The following NUDCD3 variants were observed in gnomAD, a reference collection of about 807,000 sequenced individuals.
NUDCD3 encodes the protein nudC domain-containing protein 3.
NUDCD3 carries 13 observed loss-of-function variants against 39.7 expected under a neutral mutation model. The ratio of observed to expected loss-of-function variants is 0.33; its 90% CI spans 0.21 to 0.52. The LOEUF is 0.52. NUDCD3 is among the 20% of genes least tolerant of loss of function. NUDCD3 has a pLI of 0.96. For synonymous variants in NUDCD3, 175 were observed against 172.4 expected (o/e 1.02, Z -0.12); for missense variants, 453 against 458.1 (o/e 0.99, Z 0.10).
intron 2 of NUDCD3, among the ~76,000 whole-genome samples, chr7:44,448,385 A>T (rs1799726094): frequency 6.6e-6 from 1 of 152,130 alleles, no homozygotes; most frequent in African/African-American, 2.4e-5. Flanking sequence ...TACTGACCCA[A>T]CTAGAGGCTT....
rs527892191 is a variant in NUDCD3 at position 44,401,100 on chromosome 7, G to C, written c.786+3340C>G. Among the ~76,000 whole-genome samples the C allele has an allele frequency of 1.2e-4, 19 of 152,306 alleles. No individual in the cohort carries two copies. The East Asian group carries it at 3.7e-3, about 29-fold the overall frequency. ...AATGGAAGTACAGCAAGGCTAAAGA[G>C]ATGACCCAAAACCTGGCAGCTGCTT... On this transcript the variant is annotated intron_variant, in intron 4 of 5. Transcript: ENST00000355451.
In NUDCD3 at chr7:44,484,949, G is replaced by A; in HGVS notation, c.509+19C>T. ...ATGTTACGCAAGAAAGAAGGAAGCT[G>A]CAAAGTAGAAATTCCCACCTGGGAA... On this transcript the variant is annotated intron_variant, in intron 2 of 5. Coordinates refer to ENST00000355451, the MANE Select transcript of NUDCD3 (RefSeq NM_015332.4). The A allele has an allele frequency of 1.3e-6, 2 of 1,562,206 alleles. No homozygotes were observed. The highest frequency in any genetic ancestry group is 1.4e-5 in the African/African-American group (1 of 73,026).
intron 2 of NUDCD3, among the ~76,000 whole-genome samples, chr7:44,434,626 G>A (rs1457541097): frequency 1.3e-5 from 2 of 152,190 alleles, no homozygotes; most frequent in Non-Finnish European, 2.9e-5. Flanking sequence ...CAAAAGGTTT[G>A]ATGCCAATGC....
chr7:44,430,836 C>T (rs61361337), intron 2 of NUDCD3, among the ~76,000 whole-genome samples: 2 of 152,174 alleles, frequency 1.3e-5, no homozygotes, highest in Non-Finnish European at 2.9e-5. Flanking sequence ...TCTCTGCCTT[C>T]GAGTGAGGGG....
intron 3 of NUDCD3, among the ~76,000 whole-genome samples, chr7:44,413,799 T>A (rs1798972472): frequency 6.6e-6 from 1 of 152,318 alleles, no homozygotes. Context: ...ACGCCTGTAA[T>A]CCCAGCACTT....
At chr7:44,408,185 C>T (rs758789347) in intron 3 of NUDCD3, among the ~76,000 whole-genome samples, 3 of 152,068 alleles carry the variant, frequency 2.0e-5, no homozygotes, top group Non-Finnish European at 2.9e-5. Flanking sequence ...TACACCCAAA[C>T]TGAGAAATAA....
chr7:44,463,530 C>T (rs907104437), intron 2 of NUDCD3, among the ~76,000 whole-genome samples: 1 of 152,094 alleles, frequency 6.6e-6, no homozygotes, highest in African/African-American at 2.4e-5. Flanking sequence ...GAGAAAAGGG[C>T]AACAAATTCT....
intron 2 of NUDCD3, among the ~76,000 whole-genome samples, chr7:44,434,494 C>T (rs1799429305): frequency 6.6e-6 from 1 of 152,222 alleles, no homozygotes; most frequent in South Asian, 2.1e-4. Flanking sequence ...ACCCGCCAGG[C>T]TCCTTTCATT....
At chr7:44,415,725 A>T (rs1473544620) in intron 3 of NUDCD3, among the ~76,000 whole-genome samples, 1 of 152,200 alleles carries the variant, frequency 6.6e-6, no homozygotes, top group Non-Finnish European at 1.5e-5. Flanking sequence ...TCTCCTGTGA[A>T]GCTCTATCCA....
chr7:44,384,669 G>A lies in NUDCD3; in HGVS notation c.*1342C>T, dbSNP rs1393272300. 6 of 152,394 alleles carry A rather than the reference G, an allele frequency of 3.9e-5. No individual in the cohort carries two copies. Among genetic ancestry groups the A allele is most frequent in the Middle Eastern group, 3.4e-3 (1 of 294 alleles). The allele number at this position is 152,394 out of a possible 1,614,324, so 9.4% of individuals were successfully genotyped here. ...GACAATAGGCCCTCTTAGCATCTGC[G>A]GGCCTTGATTCTTGCTGGCCGTGCA... On this transcript the variant is annotated 3_prime_UTR_variant, in exon 6 of 6. Transcript: ENST00000355451.
Position 44,490,389 on chromosome 7 carries a change from C to T in NUDCD3, c.192+20G>A, listed in dbSNP as rs1269037179. On this transcript the variant is annotated intron_variant, in intron 1 of 5. Transcript: ENST00000355451. Reference sequence around the variant, plus strand: ...GGCCGGGGGCGGCGGCTCCCCAGACCGCAGGCCCGCCCGCCTCACCTGCAG... The same window carrying T: ...GGCCGGGGGCGGCGGCTCCCCAGACTGCAGGCCCGCCCGCCTCACCTGCAG... 20 of 1,526,328 alleles carry T rather than the reference C, an allele frequency of 1.3e-5. No homozygotes were observed. Among genetic ancestry groups the T allele is most frequent in the Non-Finnish European group, 1.8e-5 (20 of 1,138,802 alleles). 94.5% of individuals were successfully genotyped at this position (1,526,328 alleles called of 1,614,324 possible).
At chr7:44,432,456 T>C (rs1417544621) in intron 2 of NUDCD3, among the ~76,000 whole-genome samples, 1 of 152,202 alleles carries the variant, frequency 6.6e-6, no homozygotes, top group Non-Finnish European at 1.5e-5. Context: ...CTCAAGCTCT[T>C]CTCCAGAGAG....
chr7:44,469,803 A>G (rs1046245278), intron 2 of NUDCD3, among the ~76,000 whole-genome samples: 2 of 152,044 alleles, frequency 1.3e-5, no homozygotes, highest in African/African-American at 4.8e-5. Flanking sequence ...ATCAGACAAA[A>G]CTATAATGAG....
At chr7:44,403,614 T>C (rs1798763273) in intron 4 of NUDCD3, among the ~76,000 whole-genome samples, 1 of 152,200 alleles carries the variant, frequency 6.6e-6, no homozygotes, top group Admixed American at 6.5e-5. Flanking sequence ...AGTTTGTCCC[T>C]GCCAGTCAGC....
chr7:44,420,059 A>G (rs1330682071), intron 3 of NUDCD3, among the ~76,000 whole-genome samples: 3 of 152,170 alleles, frequency 2.0e-5, no homozygotes, highest in East Asian at 3.9e-4. Context: ...TCTGAGCTAA[A>G]GGAGTATGTT....
chr7:44,429,700 G>A (rs547325539), intron 2 of NUDCD3, among the ~76,000 whole-genome samples: 8 of 152,258 alleles, frequency 5.3e-5, no homozygotes, highest in Admixed American at 1.3e-4. Flanking sequence ...CTAACCAATC[G>A]GAAGAGATGT....
rs1466448005 is a variant in NUDCD3, at chr7:44,380,661, G to C, written c.*5350C>G. The C allele has an allele frequency of 6.6e-6, 1 of 152,252 alleles. No individual in the cohort carries two copies. The allele number at this position is 152,252 out of a possible 1,614,324, so 9.4% of individuals were successfully genotyped here. A position where few individuals can be genotyped will look rare whatever the true frequency, so the allele number is the denominator to read the frequency against. On this transcript the variant is annotated 3_prime_UTR_variant, in exon 6 of 6. Transcript: ENST00000355451. The stretch of plus-strand genomic sequence containing the variant: ...AGTACCCACAAGCAATCACTGTTGA[G>C]TTCATGAACTCTCAGGCTGGAGCTC...
At chr7:44,438,579 C>T (rs1328428017) in intron 2 of NUDCD3, among the ~76,000 whole-genome samples, 2 of 148,308 alleles carry the variant, frequency 1.3e-5, no homozygotes, top group East Asian at 4.0e-4. Flanking sequence ...CCCCCCACCC[C>T]ACCCCACACC....
intron 3 of NUDCD3, among the ~76,000 whole-genome samples, chr7:44,425,644 A>G (rs1488577220): frequency 6.6e-6 from 1 of 152,204 alleles, no homozygotes; most frequent in Non-Finnish European, 1.5e-5. Flanking sequence ...TGGGAAGATC[A>G]TTTGAGGCCA....
Sources: allele counts gnomAD v4.1 joint callset (sites outside exome capture counted in the v4.1 genomes callset), GRCh38; gene constraint gnomAD v4.1.1; transcripts MANE v1.5; gene names NCBI Gene and HGNC (gene_info 2026-07-23, HGNC 2026-07-21).